ANKRD13C: variants seen among roughly 807,000 people sequenced by gnomAD.
ANKRD13C encodes the protein ankyrin repeat domain 13C.
A neutral mutation model predicts 65.5 loss-of-function variants in ANKRD13C; 16 were observed. That is an observed-to-expected ratio of 0.24 (90% CI 0.17 to 0.37). The LOEUF is 0.37. Ranked by LOEUF, ANKRD13C falls within the 10% of genes least tolerant of loss-of-function variation. The pLI is 1.00. For missense variants in ANKRD13C, 503 were observed against 655.9 expected, an observed-to-expected ratio of 0.77 and a Z score of 2.55; for synonymous variants, 235 against 238.7, an observed-to-expected ratio of 0.98 and a Z score of 0.14.
intron 12 of ANKRD13C, among the ~76,000 whole-genome samples, chr1:70,265,711 G>T (rs1678586476): frequency 6.6e-6 from 1 of 150,850 alleles, no homozygotes; most frequent in African/African-American, 2.4e-5. Flanking sequence ...TGTGGTCCCA[G>T]CTACTTGGGA....
At chr1:70,324,705 T>C (rs758720209) in intron 3 of ANKRD13C, 148 bp downstream of exon 3, 2 of 493,386 alleles carry the variant, frequency 4.1e-6, no homozygotes, top group Non-Finnish European at 6.9e-6. Flanking sequence ...AATGTTCAAG[T>C]TCCTAAGTCA....
At chr1:70,296,766 G>A (rs1362842963) in intron 7 of ANKRD13C, among the ~76,000 whole-genome samples, 1 of 152,106 alleles carries the variant, frequency 6.6e-6, no homozygotes, top group East Asian at 1.9e-4. Context: ...AGAACTGAAG[G>A]GAGGGATAGA....
intron 5 of ANKRD13C, 80 bp from the exon 6 acceptor site, chr1:70,306,370 T>C: frequency 1.3e-6 from 1 of 757,566 alleles, no homozygotes; most frequent in Non-Finnish European, 2.1e-6. Context: ...AAAAGAGTAA[T>C]GTGACATTCT....
chr1:70,330,574 C>CAAAAAAAAAAAAAA (rs71071394), intron 2 of ANKRD13C, among the ~76,000 whole-genome samples: 7 of 68,388 alleles, frequency 1.0e-4, no homozygotes, highest in African/African-American at 1.6e-4. Context: ...ACAAACAAAC[C>CAAAAAAAAAAAAAA]AAAAAAAAAA....
At chr1:70,279,066 G>A (rs907820770) in intron 9 of ANKRD13C, among the ~76,000 whole-genome samples, 1 of 151,866 alleles carries the variant, frequency 6.6e-6, no homozygotes, top group African/African-American at 2.4e-5. Flanking sequence ...AAGTAGCCAG[G>A]CATGGTGGCA....
chr1:70,316,145 T>C (rs1483370621), intron 3 of ANKRD13C, among the ~76,000 whole-genome samples: 1 of 152,176 alleles, frequency 6.6e-6, no homozygotes, highest in East Asian at 1.9e-4. Flanking sequence ...CACTGGAGGA[T>C]ATACCTTCAC....
chr1:70,276,587 G>A (rs913560279), intron 10 of ANKRD13C, among the ~76,000 whole-genome samples, 178 bp downstream of exon 10: 1 of 151,952 alleles, frequency 6.6e-6, no homozygotes, highest in Non-Finnish European at 1.5e-5. Flanking sequence ...ACATAATTTG[G>A]GACACTTTGC....
intron 9 of ANKRD13C, among the ~76,000 whole-genome samples, chr1:70,279,500 C>CTTTTTTTTT (rs757385338): frequency 3.0e-5 from 3 of 101,280 alleles, no homozygotes; most frequent in Non-Finnish European, 4.0e-5. Flanking sequence ...TTTTGAGCTA[C>CTTTTTTTTT]TTTTTTTTTT....
chr1:70,353,917 C>T, intron 1 of ANKRD13C, 62 bp downstream of exon 1: 1 of 1,449,184 alleles, frequency 6.9e-7, no homozygotes, highest in South Asian at 1.6e-5. Context: ...TTCCAGAAGC[C>T]TGGGGAGGCA....
At chr1:70,313,628 C>A (rs1031193099) in intron 5 of ANKRD13C, 117 bp downstream of exon 5, 7 of 682,784 alleles carry the variant, frequency 1.0e-5, no homozygotes, top group South Asian at 4.3e-5. Context: ...ATGAAAAATA[C>A]TTTTCCTCAC....
rs541726912 is a variant in ANKRD13C at position 70,351,290 on chromosome 1, T to C, written c.430+2689A>G. Among the ~76,000 whole-genome samples the C allele has an allele frequency of 5.9e-5, 9 of 152,376 alleles. No individual in the cohort carries two copies. The South Asian group carries it at 1.9e-3, about 32-fold the overall frequency. ...TTACGGTGAACATAAAACTATGTAATACATGGTATAATTGTCTGGCTCTGC... is the reference window on the plus strand; with the variant it reads ...TTACGGTGAACATAAAACTATGTAACACATGGTATAATTGTCTGGCTCTGC... On this transcript the variant is annotated intron_variant, in intron 1 of 12. Coordinates refer to ENST00000370944, the MANE Select transcript of ANKRD13C (RefSeq NM_030816.5).
chr1:70,302,725 CAAAAAAAA>C (rs11359618), intron 6 of ANKRD13C, among the ~76,000 whole-genome samples: 17 of 32,162 alleles, frequency 5.3e-4, no homozygotes, highest in East Asian at 3.7e-3. Context: ...GACTCCGTCT[CAAAAAAAA>C]AAAAAAAAAA....
chr1:70,349,515 T>A (rs1270012557), intron 1 of ANKRD13C, among the ~76,000 whole-genome samples: 2 of 151,066 alleles, frequency 1.3e-5, no homozygotes, highest in Non-Finnish European at 1.5e-5. Flanking sequence ...AAAAAAAAAA[T>A]TCCTACTCAA....
Position 70,274,812 on chromosome 1 carries a change from A to G in ANKRD13C, c.1302T>C (p.Pro434=). Residue 434 remains proline (P), a synonymous_variant, in exon 11 of 13, where the codon CCT becomes CCC. Coordinates refer to ENST00000370944, the MANE Select transcript of ANKRD13C (RefSeq NM_030816.5). ...TGCACACCAATTCTCTACCCAGATG[A>G]GGAGCTCTAAAATGGGAGGAAAAAA... The part of the protein sequence containing the change: ...EYISAENGKA[P]HLGRELVCKE... The G allele has an allele frequency of 1.2e-6, 2 of 1,612,054 alleles. No individual in the cohort carries two copies. Among genetic ancestry groups the G allele is most frequent in the Non-Finnish European group, 1.7e-6 (2 of 1,178,336 alleles).
intron 11 of ANKRD13C, among the ~76,000 whole-genome samples, chr1:70,273,306 G>T (rs1678977474): frequency 6.6e-6 from 1 of 152,184 alleles, no homozygotes; most frequent in Non-Finnish European, 1.5e-5. Context: ...CATTAGGCCA[G>T]ATTTGAAAGG....
At chr1:70,300,439 T>C (rs1680299239) in intron 7 of ANKRD13C, among the ~76,000 whole-genome samples, 1 of 151,960 alleles carries the variant, frequency 6.6e-6, no homozygotes, top group South Asian at 2.1e-4. Context: ...AATACAAAAA[T>C]TAGCCGGGCT....
intron 12 of ANKRD13C, among the ~76,000 whole-genome samples, chr1:70,269,492 A>G (rs919378564): frequency 6.6e-6 from 1 of 152,192 alleles, no homozygotes; most frequent in Non-Finnish European, 1.5e-5. Flanking sequence ...CTAAAACTCG[A>G]AATATTTCCC....
chr1:70,298,405 A>G lies in ANKRD13C; in HGVS notation c.922-2144T>C, dbSNP rs182794468. Among the ~76,000 whole-genome samples, 6 of 152,308 alleles carry G rather than the reference A, an allele frequency of 3.9e-5. No individual in the cohort carries two copies. The East Asian group carries it at 7.7e-4, about 20-fold the overall frequency. ...ACATACATACATATTAGGATAAACA[A>G]CAAGTATTCTCTGCCCTAAGGAATA... is the stretch of plus-strand genomic sequence containing the variant. On this transcript the variant is annotated intron_variant, in intron 7 of 12. Coordinates refer to ENST00000370944, the MANE Select transcript of ANKRD13C (RefSeq NM_030816.5).
chr1:70,327,523 T>A (rs1414734381), intron 2 of ANKRD13C, among the ~76,000 whole-genome samples: 1 of 152,098 alleles, frequency 6.6e-6, no homozygotes, highest in Non-Finnish European at 1.5e-5. Context: ...ATGCAATGAG[T>A]CACTCTCAAC....
Sources: allele counts gnomAD v4.1 joint callset (sites outside exome capture counted in the v4.1 genomes callset), GRCh38; gene constraint gnomAD v4.1.1; transcripts MANE v1.5; gene names NCBI Gene and HGNC (gene_info 2026-07-23, HGNC 2026-07-21).